Variants in PCDHA3 observed in about 807,000 individuals in gnomAD.
The protein encoded by PCDHA3 is protocadherin alpha 3.
A neutral mutation model predicts 62.2 loss-of-function variants in PCDHA3; 41 were observed. That is an observed-to-expected ratio of 0.66 (90% CI 0.51 to 0.86). The LOEUF is 0.86. Ranked by LOEUF, PCDHA3 falls within the 40% of genes least tolerant of loss-of-function variation. PCDHA3 has a pLI of 0.00. For missense variants in PCDHA3, 1,304 were observed against 1,241.2 expected (o/e 1.05, Z -0.76); for synonymous variants, 640 against 555.4 (o/e 1.15, Z -2.14).
intron 1 of PCDHA3, among the ~76,000 whole-genome samples, chr5:140,855,207 A>G (rs1554147686): frequency 6.7e-6 from 1 of 149,928 alleles, no homozygotes; most frequent in East Asian, 1.9e-4. Flanking sequence ...AATAGTTTCC[A>G]TTTATGAAGC....
In PCDHA3 at chr5:140,877,310, C is replaced by T. The variant is rs371801888; in HGVS notation, c.2394+73719C>T. ...GCTTGGCTGTCCTACGAGTTGCAACCGGCGGCGGTCGGCGCGCACATCCCG... is the reference window on the plus strand; with the variant it reads ...GCTTGGCTGTCCTACGAGTTGCAACTGGCGGCGGTCGGCGCGCACATCCCG... On this transcript the variant is annotated intron_variant, in intron 1 of 3. Transcript: ENST00000522353. 16 of 1,613,820 alleles carry T rather than the reference C, an allele frequency of 9.9e-6. No homozygotes were observed. In the African/African-American group the frequency reaches 1.9e-4, roughly 19 times the overall value.
In PCDHA3 at chr5:140,882,894, G is replaced by A. The variant is rs1554176001; in HGVS notation, c.2394+79303G>A. The A allele has an allele frequency of 5.6e-6, 9 of 1,614,190 alleles. No homozygotes were observed. The East Asian group carries it at 1.3e-4, about 24-fold the overall frequency. The stretch of plus-strand genomic sequence containing the variant: ...GACAGAGAGGAAATTCAGGAACATA[G>A]TTTATTACTGACAGCCAGTGATGGA... On this transcript the variant is annotated intron_variant, in intron 1 of 3. Coordinates refer to ENST00000522353, the MANE Select transcript of PCDHA3 (RefSeq NM_018906.3).
intron 1 of PCDHA3, chr5:140,856,597 C>CA: frequency 1.3e-6 from 2 of 1,597,412 alleles, no homozygotes; most frequent in Non-Finnish European, 1.7e-6. Context: ...ATATTATAAA[C>CA]AAAAAAGACA....
intron 1 of PCDHA3, chr5:140,830,209 G>C: frequency 6.2e-7 from 1 of 1,613,806 alleles, no homozygotes; most frequent in Non-Finnish European, 8.5e-7. Context: ...CCATCTGCGC[G>C]GTATCCAGCC....
chr5:141,003,469 A>G (rs536017033), intron 3 of PCDHA3, among the ~76,000 whole-genome samples: 53 of 152,106 alleles, frequency 3.5e-4, no homozygotes, highest in Admixed American at 2.3e-3. Flanking sequence ...GCACCACCAC[A>G]GTCTCGCTAA....
At chr5:141,008,502 G>A (rs539439181) in intron 3 of PCDHA3, among the ~76,000 whole-genome samples, 2 of 152,110 alleles carry the variant, frequency 1.3e-5, no homozygotes, top group South Asian at 4.2e-4. Context: ...TATACTTTAT[G>A]GTGTGTCTTC....
intron 1 of PCDHA3, chr5:140,807,105 G>T: frequency 1.4e-6 from 2 of 1,454,342 alleles, no homozygotes; most frequent in Non-Finnish European, 1.9e-6. Flanking sequence ...GGAGGATGCA[G>T]CTGCACTTGA....
chr5:140,803,705 G>A, intron 1 of PCDHA3, 114 bp downstream of exon 1: 1 of 1,516,256 alleles, frequency 6.6e-7, no homozygotes, highest in Non-Finnish European at 8.9e-7. Flanking sequence ...TTCATAATTA[G>A]ACTTTTCCAG....
At chr5:140,815,396 T>C (rs1765716097) in intron 1 of PCDHA3, 1 of 152,150 alleles carries the variant, frequency 6.6e-6, no homozygotes, top group Admixed American at 6.5e-5. Flanking sequence ...GCTTACATTT[T>C]AAAACTCTTA....
rs2150214360 is a variant in PCDHA3, at chr5:140,834,230, C to A, written c.2394+30639C>A. On this transcript the variant is annotated intron_variant, in intron 1 of 3. Coordinates refer to ENST00000522353, the MANE Select transcript of PCDHA3 (RefSeq NM_018906.3). Reference sequence around the variant, plus strand: ...TCTTTCGTAATCAGCAAAAGGAAGTCATTCCTTTTCGCACTGGAAAGACGC... The same window carrying A: ...TCTTTCGTAATCAGCAAAAGGAAGTAATTCCTTTTCGCACTGGAAAGACGC... 11 of 727,690 alleles carry A rather than the reference C, an allele frequency of 1.5e-5. No individual in the cohort carries two copies. In the African/African-American group the frequency reaches 1.8e-4, roughly 12 times the overall value. The allele number at this position is 727,690 out of a possible 1,614,324, so 45.1% of individuals were successfully genotyped here. A position where few individuals can be genotyped will look rare whatever the true frequency, so the allele number is the denominator to read the frequency against.
intron 1 of PCDHA3, among the ~76,000 whole-genome samples, chr5:140,905,993 TG>T (rs1314051308): frequency 6.6e-6 from 1 of 152,176 alleles, no homozygotes; most frequent in African/African-American, 2.4e-5. Flanking sequence ...AGATGTAGGC[TG>T]GGAGGCTAAG....
chr5:140,808,058 T>G, intron 1 of PCDHA3: 2 of 1,613,892 alleles, frequency 1.2e-6, no homozygotes, highest in African/African-American at 1.3e-5. Flanking sequence ...AAATGTGAAA[T>G]CCAAGTTTCA....
chr5:140,923,665 C>T (rs369836298), intron 1 of PCDHA3, among the ~76,000 whole-genome samples: 77 of 152,288 alleles, frequency 5.1e-4, no homozygotes, highest in African/African-American at 1.6e-3. Flanking sequence ...TTTGGGATAT[C>T]GTTCTCTCTT....
chr5:140,836,508 A>C, intron 1 of PCDHA3: 1 of 1,613,830 alleles, frequency 6.2e-7, no homozygotes, highest in Non-Finnish European at 8.5e-7. Context: ...CGCGGTGTCC[A>C]GTCTGTTGGT....
At position 140,850,414 on chromosome 5, in the gene PCDHA3, C is replaced by T. The variant is rs2150483197; in HGVS notation, c.2394+46823C>T. The T allele has an allele frequency of 3.9e-5, 62 of 1,597,814 alleles. 5 individuals are homozygous for T. Among genetic ancestry groups the T allele is most frequent in the African/African-American group, 6.7e-5 (5 of 74,310 alleles). ...AGCACAACGCGTGCCCTGGACGAAA[C>T]GGACGCACCGCGCCAGCGCCTACTG... On this transcript the variant is annotated intron_variant, in intron 1 of 3. Coordinates refer to ENST00000522353, the MANE Select transcript of PCDHA3 (RefSeq NM_018906.3).
chr5:140,893,249 T>A (rs1317089236), intron 1 of PCDHA3, among the ~76,000 whole-genome samples: 2 of 152,220 alleles, frequency 1.3e-5, no homozygotes, highest in African/African-American at 4.8e-5. Context: ...TTTCCTTTTC[T>A]TTGGATAAAT....
At chr5:140,949,657 T>G (rs908826690) in intron 1 of PCDHA3, among the ~76,000 whole-genome samples, 2 of 151,876 alleles carry the variant, frequency 1.3e-5, no homozygotes, top group Non-Finnish European at 3.0e-5. Flanking sequence ...TTTACTTTTG[T>G]TTCTTTAAAG....
chr5:140,836,655 G>T (rs1774657436), intron 1 of PCDHA3: 1 of 1,613,354 alleles, frequency 6.2e-7, no homozygotes, highest in African/African-American at 1.3e-5. Context: ...GCGGCAGAGG[G>T]TGTGCTCTGG....
intron 1 of PCDHA3, chr5:140,966,941 G>C (rs1554228938): frequency 1.9e-6 from 3 of 1,604,498 alleles, no homozygotes; most frequent in Non-Finnish European, 2.5e-6. Context: ...CGCGCTCGTG[G>C]GCAACGTGGC....
Sources: gnomAD v4.1 joint callset for allele counts (sites outside exome capture counted in the v4.1 genomes callset) on GRCh38, gnomAD v4.1.1 for gene constraint, MANE v1.5 for transcripts, NCBI Gene and HGNC (gene_info 2026-07-23, HGNC 2026-07-21) for gene names.